The following SCAI variants were observed in gnomAD, a reference collection of about 807,000 sequenced individuals.
SCAI encodes protein SCAI.
SCAI carries 24 observed loss-of-function variants against 92.2 expected under a neutral mutation model. The ratio of observed to expected loss-of-function variants is 0.26; its 90% CI spans 0.19 to 0.37. The LOEUF (loss-of-function observed/expected upper bound fraction) is 0.37. SCAI is among the 10% of genes least tolerant of loss of function. SCAI has a pLI of 1.00. For synonymous variants in SCAI, 261 were observed against 258.6 expected (o/e 1.01, Z -0.09); for missense variants, 450 against 736.2 (o/e 0.61, Z 4.50).
In SCAI at chr9:125,104,820, T is replaced by G. The variant is rs887555246; in HGVS notation, c.98+37813A>C. On this transcript the variant is annotated intron_variant, in intron 2 of 17. Transcript: ENST00000336505. The stretch of plus-strand genomic sequence containing the variant: ...TAAAAATACAAAAATTAGCCAGGCA[T>G]GGCAGTGGGCACCTGTAATCCCACC... 2.0e-5 allele frequency among the ~76,000 whole-genome samples: 3 copies of G among 152,076 alleles called. No individual in the cohort carries two copies. The East Asian group carries it at 5.8e-4, about 29-fold the overall frequency.
chr9:124,963,368 T>TCATG (rs975870423), intron 17 of SCAI, among the ~76,000 whole-genome samples: 3 of 150,454 alleles, frequency 2.0e-5, no homozygotes, highest in African/African-American at 7.3e-5. Context: ...ACTCCTGACC[T>TCATG]CATGATCTGC....
chr9:125,069,617 C>CTTTT (rs919064250), intron 2 of SCAI, among the ~76,000 whole-genome samples: 9 of 91,042 alleles, frequency 9.9e-5, no homozygotes, highest in Non-Finnish European at 1.8e-4. Flanking sequence ...TGCACCCGGT[C>CTTTT]TTTTTTTTTT....
chr9:125,088,719 C>T (rs867337403), intron 2 of SCAI, among the ~76,000 whole-genome samples: 1 of 152,186 alleles, frequency 6.6e-6, no homozygotes, highest in African/African-American at 2.4e-5. Context: ...CTCAAGCAAT[C>T]CTCATACCTT....
chr9:125,125,207 C>T lies in SCAI; in HGVS notation c.98+17426G>A, dbSNP rs548308633. Among the ~76,000 whole-genome samples, 241 of 151,608 alleles carry T rather than the reference C, an allele frequency of 1.6e-3. 3 individuals carry two copies. Among genetic ancestry groups the T allele is most frequent in the African/African-American group, 5.5e-3 (229 of 41,324 alleles). ...CTGCACTCCAGCCTGAGAGACAGAG[C>T]GAAACTCTGTCTTAAAAAAAATAAA... is the stretch of plus-strand genomic sequence containing the variant. On this transcript the variant is annotated intron_variant, in intron 2 of 17. Transcript: ENST00000336505.
intron 14 of SCAI, among the ~76,000 whole-genome samples, chr9:124,990,258 G>A (rs1832091757): frequency 6.6e-6 from 1 of 152,092 alleles, no homozygotes; most frequent in African/African-American, 2.4e-5. Context: ...GGAGGCCGAG[G>A]TAGGCGGATC....
At chr9:125,028,847 G>A (rs1833015177) in intron 4 of SCAI, among the ~76,000 whole-genome samples, 1 of 152,108 alleles carries the variant, frequency 6.6e-6, no homozygotes, top group Admixed American at 6.5e-5. Flanking sequence ...GCCCAGGCTG[G>A]AGTACAGTGG....
At chr9:125,102,808 G>A (rs1037168295) in intron 2 of SCAI, among the ~76,000 whole-genome samples, 1 of 152,078 alleles carries the variant, frequency 6.6e-6, no homozygotes, top group African/African-American at 2.4e-5. Flanking sequence ...ATGTTGGCCA[G>A]GCTGGTCTTG....
intron 2 of SCAI, among the ~76,000 whole-genome samples, chr9:125,098,286 G>T (rs1834607885): frequency 6.6e-6 from 1 of 151,928 alleles, no homozygotes; most frequent in African/African-American, 2.4e-5. Flanking sequence ...CAAACTCCTG[G>T]CCTCAAGCAA....
chr9:124,995,886 G>C (rs757480427), intron 13 of SCAI, among the ~76,000 whole-genome samples: 1 of 152,012 alleles, frequency 6.6e-6, no homozygotes, highest in Non-Finnish European at 1.5e-5. Context: ...ACCCAAAGGC[G>C]GAAATCCAGT....
chr9:125,096,362 C>T (rs752929363), intron 2 of SCAI, among the ~76,000 whole-genome samples: 5 of 152,186 alleles, frequency 3.3e-5, no homozygotes, highest in Admixed American at 6.5e-5. Context: ...GTCCCTCCCA[C>T]AACACAAAGG....
At chr9:125,045,571 G>T (rs1034558272) in intron 3 of SCAI, among the ~76,000 whole-genome samples, 3 of 151,814 alleles carry the variant, frequency 2.0e-5, no homozygotes, top group African/African-American at 7.3e-5. Context: ...CCTGAGCTCA[G>T]GCAATCCTCT....
chr9:125,106,140 T>A (rs1280390537), intron 2 of SCAI, among the ~76,000 whole-genome samples: 7 of 104,512 alleles, frequency 6.7e-5, no homozygotes, highest in East Asian at 3.5e-4. Context: ...TATATATATA[T>A]ATATATATAT....
At chr9:125,056,982 G>C (rs620677) in intron 2 of SCAI, among the ~76,000 whole-genome samples, 47,033 of 152,088 alleles carry the variant, frequency 0.31, 7,623 homozygotes, top group African/African-American at 0.39. Flanking sequence ...ATTTCATAAA[G>C]CTGCCATGTA....
intron 17 of SCAI, among the ~76,000 whole-genome samples, chr9:124,960,318 T>A (rs1055984719): frequency 6.6e-6 from 1 of 152,202 alleles, no homozygotes; most frequent in Non-Finnish European, 1.5e-5. Context: ...AACATGGAAC[T>A]GCTGGGGCTC....
chr9:125,023,375 A>G (rs1255614080), intron 6 of SCAI, among the ~76,000 whole-genome samples: 1 of 152,230 alleles, frequency 6.6e-6, no homozygotes. Flanking sequence ...TATTTTATCC[A>G]GCATTTCTAG....
intron 17 of SCAI, among the ~76,000 whole-genome samples, chr9:124,960,231 A>G (rs1050796103): frequency 4.6e-5 from 7 of 152,130 alleles, no homozygotes; most frequent in Non-Finnish European, 2.9e-5. Context: ...CTATTAGCCA[A>G]CTATTTATTT....
At chr9:125,081,170 G>GT (rs1834207508) in intron 2 of SCAI, among the ~76,000 whole-genome samples, 1 of 152,224 alleles carries the variant, frequency 6.6e-6, no homozygotes, top group African/African-American at 2.4e-5. Flanking sequence ...CAGTAAATTG[G>GT]TAACAGTGGA....
intron 2 of SCAI, among the ~76,000 whole-genome samples, chr9:125,120,418 C>T (rs1054081357): frequency 1.3e-5 from 2 of 152,274 alleles, no homozygotes; most frequent in East Asian, 1.9e-4. Flanking sequence ...AAGAGCCAGG[C>T]GCAGTGGCTC....
chr9:125,088,632 C>T (rs1834368088), intron 2 of SCAI, among the ~76,000 whole-genome samples: 1 of 152,112 alleles, frequency 6.6e-6, no homozygotes, highest in Non-Finnish European at 1.5e-5. Flanking sequence ...AACTAATGCA[C>T]ACACCCACCT....
Sources: gnomAD v4.1 joint callset for allele counts (sites outside exome capture counted in the v4.1 genomes callset) on GRCh38, gnomAD v4.1.1 for gene constraint, MANE v1.5 for transcripts, NCBI Gene and HGNC (gene_info 2026-07-23, HGNC 2026-07-21) for gene names.